Variants in ARHGEF1 observed in about 807,000 individuals in gnomAD.
ARHGEF1 encodes Rho guanine nucleotide exchange factor 1.
In ARHGEF1, 40 loss-of-function variants were observed where a neutral mutation model predicts 119.7. The ratio of observed to expected loss-of-function variants is 0.33; its 90% CI spans 0.26 to 0.44. ARHGEF1 has a LOEUF of 0.44. Among genes scored for constraint, ARHGEF1 ranks in the 20% least tolerant of loss-of-function variants. The pLI is 1.00. For missense variants in ARHGEF1, 976 were observed against 1,268.3 expected (o/e 0.77, Z 3.50); for synonymous variants, 494 against 521.0 (o/e 0.95, Z 0.71).
intron 14 of ARHGEF1, among the ~76,000 whole-genome samples, chr19:41,898,824 G>T (rs2074554562): frequency 6.6e-6 from 1 of 152,228 alleles, no homozygotes; most frequent in Non-Finnish European, 1.5e-5. Flanking sequence ...GTGCAATACA[G>T]TGCTGATGTT....
At chr19:41,926,683 G>A (rs1009915744) in intron 1 of ARHGEF1, among the ~76,000 whole-genome samples, 3 of 152,098 alleles carry the variant, frequency 2.0e-5, no homozygotes, top group Non-Finnish European at 4.4e-5. Flanking sequence ...TTGGCGATGC[G>A]GAGCGCGTCT....
intron 14 of ARHGEF1, among the ~76,000 whole-genome samples, chr19:41,901,092 C>A (rs1012534011): frequency 1.3e-5 from 2 of 151,180 alleles, no homozygotes; most frequent in Non-Finnish European, 2.9e-5. Context: ...CCCGGCCCCT[C>A]AGTGGCTATT....
At chr19:41,898,209 C>T (rs2074543944) in intron 13 of ARHGEF1, 2 of 1,397,490 alleles carry the variant, frequency 1.4e-6, no homozygotes. Context: ...GCGTTGGAGA[C>T]CGAGGTCATT....
rs368260507 is a variant in ARHGEF1, at chr19:41,917,736, C to T, written c.1866-5356C>T. ...GGGACATATCTCTCCTTACGCCACACGCCCATGTAGGACACATCTGTGCAC... is the reference window on the plus strand; with the variant it reads ...GGGACATATCTCTCCTTACGCCACATGCCCATGTAGGACACATCTGTGCAC... On this transcript the variant is annotated intron_variant, in intron 18 of 20. Coordinates refer to the ARHGEF1 transcript ENST00000599589. The surrounding 1 kb of genome is among the most constrained non-coding windows in gnomAD (Gnocchi z 4.8). 1.3e-5 allele frequency among the ~76,000 whole-genome samples: 2 copies of T among 151,878 alleles called. No homozygotes were observed. Among genetic ancestry groups the T allele is most frequent in the Admixed American group, 6.5e-5 (1 of 15,268 alleles).
At chr19:41,897,784 A>G (rs1450803795) in intron 13 of ARHGEF1, 29 of 621,134 alleles carry the variant, frequency 4.7e-5, no homozygotes, top group African/African-American at 8.1e-5. Flanking sequence ...TCTCTCCCCA[A>G]TTTCTGTCCC....
chr19:41,898,308 C>T lies in ARHGEF1; in HGVS notation c.1122-134C>T, dbSNP rs1310336851. On this transcript the variant is annotated intron_variant, in intron 13 of 28. Transcript: ENST00000354532. The stretch of plus-strand genomic sequence containing the variant: ...ACTCTAGTGTGGTCCGATCTAGAGA[C>T]CTGGTCTGCTGCACGGGCCACCCTG... 23 of 1,400,146 alleles carry T rather than the reference C, an allele frequency of 1.6e-5. No individual in the cohort carries two copies. In the African/African-American group the frequency reaches 3.0e-4, roughly 18 times the overall value. The allele number at this position is 1,400,146 out of a possible 1,614,324, so 86.7% of individuals were successfully genotyped here.
chr19:41,912,101 C>T (rs140639788), downstream of ARHGEF1, among the ~76,000 whole-genome samples: 307 of 152,278 alleles, frequency 2.0e-3, 5 homozygotes, highest in Middle Eastern at 0.014. Flanking sequence ...AGCTGGCAGA[C>T]GCCCCCATCC....
intron 14 of ARHGEF1, 126 bp from the exon 15 acceptor site, chr19:41,901,761 T>G (rs1599657648): frequency 2.4e-6 from 3 of 1,226,844 alleles, no homozygotes; most frequent in Non-Finnish European, 3.3e-6. Context: ...CCAGAGAGAG[T>G]TTTTTCCCAC....
chr19:41,920,232 G>T (rs782450236), upstream of ARHGEF1, among the ~76,000 whole-genome samples: 3 of 103,110 alleles, frequency 2.9e-5, no homozygotes, highest in Non-Finnish European at 5.6e-5. Flanking sequence ...ACACTCAGAC[G>T]TGACGTGCTC....
Position 41,894,312 on chromosome 19 carries a change from T to C in ARHGEF1, c.744+6T>C, listed in dbSNP as rs781860786. On this transcript the variant is annotated splice_donor_region_variant and intron_variant, in intron 9 of 28. Transcript: ENST00000354532. Reference sequence around the variant, plus strand: ...GGAACTTCTTCCGGAAAAAGGTGCTTCCCTCAGTGCCCCGTCCTGACCCTT... The same window carrying C: ...GGAACTTCTTCCGGAAAAAGGTGCTCCCCTCAGTGCCCCGTCCTGACCCTT... 3 of 1,547,842 alleles carry C rather than the reference T, an allele frequency of 1.9e-6. No homozygotes were observed. Among genetic ancestry groups the C allele is most frequent in the Admixed American group, 3.8e-5 (2 of 52,794 alleles).
chr19:41,884,432 A>G lies in ARHGEF1; in HGVS notation c.-20+1143A>G, dbSNP rs782229464. 4.4e-6 allele frequency: 7 copies of G among 1,602,534 alleles called. No individual in the cohort carries two copies. The African/African-American group carries it at 8.0e-5, about 18-fold the overall frequency. On this transcript the variant is annotated intron_variant, in intron 1 of 28. Coordinates refer to ENST00000354532, the MANE Select transcript of ARHGEF1 (RefSeq NM_004706.4). Reference sequence around the variant, plus strand: ...GGCGGCAGGGGTGGGGAGAGTGCGGAGCCCGAGCGCGGAGGCTTCGGTTCC... The same window carrying G: ...GGCGGCAGGGGTGGGGAGAGTGCGGGGCCCGAGCGCGGAGGCTTCGGTTCC...
rs1555846620 is a variant in ARHGEF1, at chr19:41,892,987, C to G, written c.614+138C>G. The G allele has an allele frequency of 1.5e-5, 19 of 1,298,744 alleles. No individual in the cohort carries two copies. Among genetic ancestry groups the G allele is most frequent in the Non-Finnish European group, 1.8e-5 (18 of 978,478 alleles). The allele number at this position is 1,298,744 out of a possible 1,614,324, so 80.5% of individuals were successfully genotyped here. ...ATTTCTTGGCACTGGGGGTCTTCCT[C>G]TACCCTGGTGTTTTAACTCACCTTG... On this transcript the variant is annotated intron_variant, in intron 7 of 28. Coordinates refer to ENST00000354532, the MANE Select transcript of ARHGEF1 (RefSeq NM_004706.4). The surrounding 1 kb of genome is among the most constrained non-coding windows in gnomAD (Gnocchi z 6.3).
chr19:41,908,421 G>A (rs1376446527), downstream of ARHGEF1: 36 of 1,231,082 alleles, frequency 2.9e-5, no homozygotes, highest in Middle Eastern at 3.1e-4. The surrounding 1 kb of genome is among the most constrained non-coding windows in gnomAD (Gnocchi z 6.7). Context: ...TGCCAGGCCC[G>A]AGGGGCGCTC....
At chr19:41,927,515 G>T (rs2074878612) in intron 1 of ARHGEF1, among the ~76,000 whole-genome samples, 2 of 152,020 alleles carry the variant, frequency 1.3e-5, no homozygotes, top group South Asian at 2.1e-4. Flanking sequence ...CACACCCCCA[G>T]TCCTGACTCC....
At chr19:41,898,356 C>T (rs1555848331) in intron 13 of ARHGEF1, 86 bp from the exon 14 acceptor site, 2 of 1,540,918 alleles carry the variant, frequency 1.3e-6, no homozygotes, top group Admixed American at 4.0e-5. Context: ...GCCAAGGCCA[C>T]TGACCGGGGT....
In ARHGEF1 at chr19:41,903,533, C is replaced by A; in HGVS notation, c.1839+126C>A. Reference sequence around the variant, plus strand: ...TTGTCTCCCTCAAGGGTCACTGTGTCCAGGGGTTGGCTTGGCCCTCAGCAT... The same window carrying A: ...TTGTCTCCCTCAAGGGTCACTGTGTACAGGGGTTGGCTTGGCCCTCAGCAT... On this transcript the variant is annotated intron_variant, in intron 19 of 28. Coordinates refer to ENST00000354532, the MANE Select transcript of ARHGEF1 (RefSeq NM_004706.4). This position sits in a 1 kb window ranked among gnomAD's most constrained non-coding sequence, Gnocchi z 4.2. 1 of 831,654 alleles carries A rather than the reference C, an allele frequency of 1.2e-6. No homozygotes were observed. 51.5% of individuals were successfully genotyped at this position (831,654 alleles called of 1,614,324 possible). A position where few individuals can be genotyped will look rare whatever the true frequency, so the allele number is the denominator to read the frequency against.
chr19:41,895,775 C>T (rs1216672751), intron 12 of ARHGEF1, among the ~76,000 whole-genome samples: 1 of 152,164 alleles, frequency 6.6e-6, no homozygotes, highest in African/African-American at 2.4e-5. Flanking sequence ...CCAGAACCTT[C>T]CCTGAGTACA....
intron 14 of ARHGEF1, among the ~76,000 whole-genome samples, 195 bp from the exon 15 acceptor site, chr19:41,901,692 A>G (rs769003912): frequency 1.3e-5 from 2 of 152,174 alleles, no homozygotes; most frequent in Non-Finnish European, 2.9e-5. Context: ...GGTTCAAGCA[A>G]TCCTCTTGCC....
In ARHGEF1 at chr19:41,892,814, G is replaced by A. The variant is rs782205744; in HGVS notation, c.579G>A (p.Val193=). The change falls in exon 7 of 29, where the codon GTG becomes GTA. Residue 193 remains valine, a synonymous_variant. Coordinates refer to ENST00000354532, the MANE Select transcript of ARHGEF1 (RefSeq NM_004706.4). The surrounding 1 kb of genome is among the most constrained non-coding windows in gnomAD (Gnocchi z 6.3). ...RASYEARERH[V]AERLLMHLEE... ...GCTACGAGGCCCGGGAGCGGCACGTGGCGGAGCGGCTGCTCATGCACCTGG... is the reference window on the plus strand; with the variant it reads ...GCTACGAGGCCCGGGAGCGGCACGTAGCGGAGCGGCTGCTCATGCACCTGG... 6.3e-7 allele frequency: 1 copy of A among 1,582,614 alleles called. No homozygotes were observed. Among genetic ancestry groups the A allele is most frequent in the Non-Finnish European group, 8.6e-7 (1 of 1,167,992 alleles).
Sources: allele counts gnomAD v4.1 joint callset (sites outside exome capture counted in the v4.1 genomes callset), GRCh38; gene constraint gnomAD v4.1.1; non-coding constraint Gnocchi (gnomAD v3.1); transcripts MANE v1.5; gene names NCBI Gene and HGNC (gene_info 2026-07-23, HGNC 2026-07-21).